The following CMTM8 variants were observed in gnomAD, a reference collection of about 807,000 sequenced individuals.
CMTM8 encodes the protein CKLF-like MARVEL transmembrane domain-containing protein 8.
CMTM8 carries 12 observed loss-of-function variants against 18.6 expected under a neutral mutation model. That is an observed-to-expected ratio of 0.65 (90% CI 0.41 to 1.05). CMTM8 has a LOEUF of 1.05. Among genes scored for constraint, CMTM8 ranks in the 50% least tolerant of loss-of-function variants. The pLI is 0.00. For synonymous variants in CMTM8, 87 were observed against 90.6 expected (o/e 0.96, Z 0.23); for missense variants, 217 against 227.2 (o/e 0.95, Z 0.29).
In CMTM8 at chr3:32,259,367, A is replaced by G. The variant is rs575500828; in HGVS notation, c.147+20248A>G. The G allele has an allele frequency of 6.4e-6, 5 of 785,974 alleles. No homozygotes were observed. In the South Asian group the frequency reaches 6.7e-5, roughly 10 times the overall value. 48.7% of individuals were successfully genotyped at this position (785,974 alleles called of 1,614,324 possible). ...CCTGAGGGCTCAGGTCTTCTCAAATACTGTGGACAATGCCCGCATTGTTCT... is the reference window on the plus strand; with the variant it reads ...CCTGAGGGCTCAGGTCTTCTCAAATGCTGTGGACAATGCCCGCATTGTTCT... On this transcript the variant is annotated intron_variant, in intron 1 of 3. Transcript: ENST00000307526.
intron 1 of CMTM8, among the ~76,000 whole-genome samples, chr3:32,352,188 C>A (rs1183466432): frequency 2.3e-5 from 3 of 128,094 alleles, no homozygotes; most frequent in South Asian, 2.6e-4. Context: ...AAAAAACACA[C>A]ACACACACAC....
At chr3:32,289,075 G>A (rs576482703) in intron 1 of CMTM8, among the ~76,000 whole-genome samples, 52 of 152,300 alleles carry the variant, frequency 3.4e-4, no homozygotes, top group African/African-American at 9.6e-4. Context: ...AGCAAAGCAC[G>A]TTATAAGGCA....
intron 1 of CMTM8, among the ~76,000 whole-genome samples, chr3:32,265,561 A>C (rs1650631360): frequency 6.6e-6 from 1 of 151,156 alleles, no homozygotes; most frequent in African/African-American, 2.4e-5. Flanking sequence ...AGCAAGAGCA[A>C]ACACATTCAA....
rs200490843 is a variant in CMTM8 at position 32,239,064 on chromosome 3, C to T, written c.92C>T (p.Ala31Val). Reference sequence around the variant, plus strand: ...TTCTCCACCAGCAGCAGCAGCTTCGCCTACGACCGGGAGTTCCTCCGCACC... The same window carrying T: ...TTCTCCACCAGCAGCAGCAGCTTCGTCTACGACCGGGAGTTCCTCCGCACC... ...ENFSTSSSSF[A>V]YDREFLRTLP... The change falls in exon 1 of 4, where the codon GCC (alanine) becomes GTC (valine). Residue 31 changes from alanine to valine, a missense_variant. By Grantham distance (64) the Ala-to-Val change is moderately conservative. Coordinates refer to ENST00000307526, the MANE Select transcript of CMTM8 (RefSeq NM_178868.5). The T allele has an allele frequency of 8.8e-6, 14 of 1,598,256 alleles. No individual in the cohort carries two copies. Among genetic ancestry groups the T allele is most frequent in the Non-Finnish European group, 1.1e-5 (13 of 1,173,088 alleles).
At chr3:32,298,798 A>AATATATAT (rs139764907) in intron 1 of CMTM8, among the ~76,000 whole-genome samples, 42 of 136,248 alleles carry the variant, frequency 3.1e-4, no homozygotes, top group Middle Eastern at 4.3e-3. Flanking sequence ...ACACCCAGCT[A>AATATATAT]ATATATATAT....
At chr3:32,266,378 G>A (rs920274374) in intron 1 of CMTM8, among the ~76,000 whole-genome samples, 2 of 152,180 alleles carry the variant, frequency 1.3e-5, no homozygotes, top group African/African-American at 4.8e-5. Context: ...AATAGATGCA[G>A]AAAAGGCCTT....
chr3:32,343,476 C>T (rs1696538040), intron 1 of CMTM8, among the ~76,000 whole-genome samples: 1 of 152,198 alleles, frequency 6.6e-6, no homozygotes, highest in Non-Finnish European at 1.5e-5. Flanking sequence ...GGCATTCCTC[C>T]CACCACCCAA....
intron 3 of CMTM8, among the ~76,000 whole-genome samples, chr3:32,368,964 A>T (rs1247821397): frequency 1.3e-5 from 2 of 152,162 alleles, no homozygotes; most frequent in Non-Finnish European, 2.9e-5. Flanking sequence ...TTGATGGTAC[A>T]TGGGGGTTCA....
At chr3:32,246,601 T>G (rs1448323763) in intron 1 of CMTM8, among the ~76,000 whole-genome samples, 1 of 152,202 alleles carries the variant, frequency 6.6e-6, no homozygotes. Flanking sequence ...TATTACCTGT[T>G]TTCATCAATG....
chr3:32,275,942 C>T (rs1271657383), intron 1 of CMTM8, among the ~76,000 whole-genome samples: 17 of 152,074 alleles, frequency 1.1e-4, no homozygotes, highest in Admixed American at 1.1e-3. Context: ...AGTTACCACT[C>T]GTATGTACTT....
chr3:32,269,477 C>T (rs1439571907), intron 1 of CMTM8, among the ~76,000 whole-genome samples: 1 of 152,118 alleles, frequency 6.6e-6, no homozygotes, highest in Non-Finnish European at 1.5e-5. Context: ...TTTAAACTTC[C>T]TTTTATGTGA....
chr3:32,301,577 C>G (rs1458628105), intron 1 of CMTM8, among the ~76,000 whole-genome samples: 1 of 151,864 alleles, frequency 6.6e-6, no homozygotes, highest in African/African-American at 2.4e-5. Context: ...AGACACAGCC[C>G]TTGGGAGGGG....
intron 1 of CMTM8, among the ~76,000 whole-genome samples, chr3:32,243,271 C>T (rs1390635011): frequency 2.6e-5 from 4 of 151,790 alleles, no homozygotes; most frequent in East Asian, 2.0e-4. Context: ...TGGTTCACAC[C>T]TGCAGTCCCA....
chr3:32,350,686 A>C (rs1013134265), intron 1 of CMTM8, among the ~76,000 whole-genome samples: 1 of 152,068 alleles, frequency 6.6e-6, no homozygotes, highest in Non-Finnish European at 1.5e-5. Context: ...CACCATGCCC[A>C]GGTAATTTTT....
In CMTM8 at chr3:32,238,870, G is replaced by C; in HGVS notation, c.-103G>C. 8.8e-7 allele frequency: 1 copy of C among 1,130,258 alleles called. No individual in the cohort carries two copies. The highest frequency in any genetic ancestry group is 3.1e-5 in the South Asian group (1 of 32,288). The allele number at this position is 1,130,258 out of a possible 1,614,324, so 70.0% of individuals were successfully genotyped here. ...GCACCTCCTGCCCCGCGCGGGCCGC[G>C]CTCCCCTCCCCCGCGCCTGTGTCCC... On this transcript the variant is annotated 5_prime_UTR_variant, in exon 1 of 4. Transcript: ENST00000307526.
At chr3:32,350,764 C>G (rs1696693684) in intron 1 of CMTM8, among the ~76,000 whole-genome samples, 1 of 151,980 alleles carries the variant, frequency 6.6e-6, no homozygotes, top group Non-Finnish European at 1.5e-5. Context: ...ACCTCGTGAT[C>G]CAGCCGCCTC....
At chr3:32,356,265 C>T (rs894731496) in intron 1 of CMTM8, among the ~76,000 whole-genome samples, 1 of 152,174 alleles carries the variant, frequency 6.6e-6, no homozygotes, top group Non-Finnish European at 1.5e-5. Context: ...AGTCACACAG[C>T]GAGCCAGGAC....
At chr3:32,337,586 C>A (rs938170030) in intron 1 of CMTM8, among the ~76,000 whole-genome samples, 1 of 152,204 alleles carries the variant, frequency 6.6e-6, no homozygotes, top group African/African-American at 2.4e-5. Context: ...TCCAGTATTC[C>A]TTTTAAATCC....
chr3:32,289,864 TGCA>T (rs1447866841), intron 1 of CMTM8, among the ~76,000 whole-genome samples: 1 of 152,176 alleles, frequency 6.6e-6, no homozygotes, highest in Non-Finnish European at 1.5e-5. Context: ...GTCATGATGG[TGCA>T]CACCTGTAAT....
Sources: gnomAD v4.1 joint callset for allele counts (sites outside exome capture counted in the v4.1 genomes callset) on GRCh38, gnomAD v4.1.1 for gene constraint, MANE v1.5 for transcripts, NCBI Gene and HGNC (gene_info 2026-07-23, HGNC 2026-07-21) for gene names.